Variants in DIAPH2 observed in about 807,000 individuals in gnomAD.
DIAPH2 encodes the protein protein diaphanous homolog 2.
In DIAPH2, 35 loss-of-function variants were observed where a neutral mutation model predicts 92.7. The ratio of observed to expected loss-of-function variants is 0.38; its 90% CI spans 0.29 to 0.50. The LOEUF is 0.50. Ranked by LOEUF, DIAPH2 falls within the 20% of genes least tolerant of loss-of-function variation. The pLI, the probability that DIAPH2 is intolerant of heterozygous loss-of-function variation, is 0.94. For missense variants in DIAPH2, 701 were observed against 819.5 expected (o/e 0.86, Z 1.77); for synonymous variants, 301 against 280.4 (o/e 1.07, Z -0.73).
chrX:97,156,183 T>C (rs1340751083), intron 22 of DIAPH2, among the ~76,000 whole-genome samples: 2 of 112,215 alleles, frequency 1.8e-5, no homozygotes, highest in Non-Finnish European at 3.8e-5. Context: ...CCTAGAAAAG[T>C]GAAATTTCAG....
chrX:97,573,644 T>G (rs745323590), intron 26 of DIAPH2, among the ~76,000 whole-genome samples: 16 of 108,874 alleles, frequency 1.5e-4, no homozygotes, highest in South Asian at 8.2e-4. Flanking sequence ...CATGTTTTTT[T>G]GGGGTTTTTT....
At chrX:97,028,284 G>T (rs973008224) in intron 17 of DIAPH2, among the ~76,000 whole-genome samples, 1 of 110,998 alleles carries the variant, frequency 9.0e-6, no homozygotes, top group Non-Finnish European at 1.9e-5. Flanking sequence ...ACCCATGTTT[G>T]TTACTCTACT....
chrX:96,896,222 A>C (rs1368753739), intron 5 of DIAPH2, among the ~76,000 whole-genome samples: 3 of 111,755 alleles, frequency 2.7e-5, no homozygotes, highest in Non-Finnish European at 5.6e-5. Context: ...AATTAAAAAG[A>C]TGAAAACCAC....
intron 1 of DIAPH2, among the ~76,000 whole-genome samples, chrX:96,709,358 A>G (rs917851228): frequency 8.9e-6 from 1 of 111,999 alleles, no homozygotes; most frequent in East Asian, 2.8e-4. Context: ...GAAAATTGAG[A>G]AGTCTTTTGC....
chrX:97,194,094 G>T (rs1353027637), intron 22 of DIAPH2, among the ~76,000 whole-genome samples: 3 of 110,801 alleles, frequency 2.7e-5, no homozygotes, highest in African/African-American at 9.8e-5. Context: ...AGCAGAACTA[G>T]CTAATAAGTC....
chrX:96,774,660 T>A (rs1394577876), intron 4 of DIAPH2, among the ~76,000 whole-genome samples: 1 of 112,343 alleles, frequency 8.9e-6, no homozygotes, highest in Non-Finnish European at 1.9e-5. Context: ...TAAGCCATTT[T>A]TCCTGTGTCT....
At chrX:96,814,504 C>T (rs927232147) in intron 4 of DIAPH2, among the ~76,000 whole-genome samples, 1 of 111,585 alleles carries the variant, frequency 9.0e-6, no homozygotes, top group Non-Finnish European at 1.9e-5. Flanking sequence ...TGGTTATTAC[C>T]GACCTTCTGA....
At chrX:97,494,972 C>A (rs1321706327) in intron 26 of DIAPH2, among the ~76,000 whole-genome samples, 2 of 112,452 alleles carry the variant, frequency 1.8e-5, no homozygotes, top group Non-Finnish European at 3.8e-5. Context: ...CCTGAAACAT[C>A]CAAGCTATTT....
chrX:97,565,384 C>T (rs1046582321), intron 26 of DIAPH2, among the ~76,000 whole-genome samples: 2 of 112,235 alleles, frequency 1.8e-5, no homozygotes, highest in Non-Finnish European at 3.8e-5. Flanking sequence ...AACAGCAGCT[C>T]TTACTATTGT....
chrX:97,254,722 A>ATTTAT (rs200072172), intron 23 of DIAPH2, among the ~76,000 whole-genome samples: 12 of 107,199 alleles, frequency 1.1e-4, no homozygotes, highest in African/African-American at 3.8e-4. Flanking sequence ...ATTTTATTTT[A>ATTTAT]TTTATTTTAT....
chrX:96,793,520 G>A (rs1244018606), intron 4 of DIAPH2: 4 of 335,858 alleles, frequency 1.2e-5, no homozygotes, highest in Admixed American at 6.3e-5. Context: ...AGGGGCCTTC[G>A]ATCTGGAGGC....
intron 25 of DIAPH2, among the ~76,000 whole-genome samples, chrX:97,427,868 G>A (rs1490771777): frequency 9.1e-6 from 1 of 109,673 alleles, no homozygotes; most frequent in Non-Finnish European, 1.9e-5. Flanking sequence ...TATATTTTTA[G>A]TGGACTCTGG....
chrX:97,422,595 A>G (rs977536896), intron 25 of DIAPH2, among the ~76,000 whole-genome samples: 3 of 111,893 alleles, frequency 2.7e-5, no homozygotes, highest in African/African-American at 9.7e-5. Flanking sequence ...TTAATTATAC[A>G]ATCTAGAATT....
rs1458660312 is a variant in DIAPH2 at position 97,570,130 on chromosome X, A to ATATAT, written c.3242-29121_3242-29120insTATTA. ...TATATATATATATATATATTAGAAG[A>ATATAT]TAGATAGATAGATAGATAGATAGAT... is the stretch of plus-strand genomic sequence containing the variant. On this transcript the variant is annotated intron_variant, in intron 26 of 26. Coordinates refer to ENST00000324765, the MANE Select transcript of DIAPH2 (RefSeq NM_006729.5). 5.8e-3 allele frequency among the ~76,000 whole-genome samples: 287 copies of ATATAT among 49,251 alleles called. 6 individuals are homozygous for ATATAT. The highest frequency in any genetic ancestry group is 0.017 in the African/African-American group (275 of 16,325). The allele number at this position is 49,251 out of a possible 115,157, so 42.8% of individuals were successfully genotyped here.
chrX:97,059,314 G>A (rs1336665029), intron 17 of DIAPH2, among the ~76,000 whole-genome samples: 1 of 111,694 alleles, frequency 9.0e-6, no homozygotes, highest in Non-Finnish European at 1.9e-5. Flanking sequence ...TTTATTTTCT[G>A]TACTCACTTA....
intron 4 of DIAPH2, among the ~76,000 whole-genome samples, chrX:96,854,573 A>T (rs1411401112): frequency 5.8e-5 from 5 of 85,826 alleles, no homozygotes; most frequent in South Asian, 6.4e-4. Context: ...TATATATATA[A>T]AAAACCAAGA....
chrX:97,499,200 G>A (rs1003611354), intron 26 of DIAPH2, among the ~76,000 whole-genome samples: 5 of 112,123 alleles, frequency 4.5e-5, no homozygotes, highest in Non-Finnish European at 5.6e-5. Context: ...ATTCAGTTGT[G>A]TCTCTTATCT....
intron 23 of DIAPH2, among the ~76,000 whole-genome samples, chrX:97,342,939 G>T (rs928463710): frequency 9.9e-5 from 11 of 111,347 alleles, no homozygotes; most frequent in African/African-American, 3.6e-4. Flanking sequence ...GCCCTGAGTT[G>T]TCTGTGACCT....
At chrX:97,139,016 TAAAC>T (rs1569310530) in intron 21 of DIAPH2, among the ~76,000 whole-genome samples, 1 of 111,567 alleles carries the variant, frequency 9.0e-6, no homozygotes, top group Non-Finnish European at 1.9e-5. Flanking sequence ...TATTTCTTAA[TAAAC>T]TAACTCAAAC....
Sources: gnomAD v4.1 joint callset for allele counts (sites outside exome capture counted in the v4.1 genomes callset) on GRCh38, gnomAD v4.1.1 for gene constraint, MANE v1.5 for transcripts, NCBI Gene and HGNC (gene_info 2026-07-23, HGNC 2026-07-21) for gene names.